CAMSAP1: variants seen among roughly 807,000 people sequenced by gnomAD.
CAMSAP1 encodes the protein calmodulin regulated spectrin associated protein 1, also known as calmodulin-regulated spectrin-associated protein 1.
CAMSAP1 carries 58 observed loss-of-function variants against 143.5 expected under a neutral mutation model. The observed-to-expected ratio is 0.40, with a 90% CI of 0.33 to 0.50. CAMSAP1 has a LOEUF of 0.50. Among genes scored for constraint, CAMSAP1 ranks in the 20% least tolerant of loss-of-function variants. The probability of loss-of-function intolerance (pLI) is 0.45; values close to 1 mark genes in which losing one functional copy is unlikely to be tolerated. For synonymous variants in CAMSAP1, 945 were observed against 859.3 expected (o/e 1.10, Z -1.74); for missense variants, 1,969 against 2,115.7 (o/e 0.93, Z 1.36).
At chr9:135,871,638 T>G (rs922866150) in intron 3 of CAMSAP1, among the ~76,000 whole-genome samples, 1 of 152,266 alleles carries the variant, frequency 6.6e-6, no homozygotes, top group Non-Finnish European at 1.5e-5. Context: ...AAATTTTCTT[T>G]ACAAGTTCAG....
chr9:135,839,301 C>T (rs373745663), intron 7 of CAMSAP1, among the ~76,000 whole-genome samples: 9 of 152,214 alleles, frequency 5.9e-5, no homozygotes, highest in African/African-American at 2.2e-4. Context: ...AGCTATGAGT[C>T]TGTTTGTGTC....
At chr9:135,896,391 A>G (rs1387770445) in intron 1 of CAMSAP1, among the ~76,000 whole-genome samples, 1 of 152,252 alleles carries the variant, frequency 6.6e-6, no homozygotes, top group Non-Finnish European at 1.5e-5. Flanking sequence ...AGTACATGAA[A>G]AAAGTTGACA....
rs1416395656 is a variant in CAMSAP1 at position 135,810,822 on chromosome 9, C to A, written c.*487G>T. On this transcript the variant is annotated 3_prime_UTR_variant, in exon 17 of 17. Coordinates refer to ENST00000389532, the MANE Select transcript of CAMSAP1 (RefSeq NM_015447.4). ...TATGAATTCCTTTGCTATAGACATT[C>A]AAACACCCCAAGCCAAGATTGAGCC... The A allele has an allele frequency of 6.3e-6, 1 of 158,944 alleles. No homozygotes were observed. The highest frequency in any genetic ancestry group is 1.8e-4 in the East Asian group (1 of 5,536). 9.8% of individuals were successfully genotyped at this position (158,944 alleles called of 1,614,324 possible).
chr9:135,847,044 G>T (rs1170416440), intron 7 of CAMSAP1, among the ~76,000 whole-genome samples: 1 of 152,064 alleles, frequency 6.6e-6, no homozygotes, highest in East Asian at 1.9e-4. Flanking sequence ...ATACCCAAAG[G>T]ATTATAAATC....
At chr9:135,847,665 C>G (rs907572674) in intron 7 of CAMSAP1, among the ~76,000 whole-genome samples, 7 of 148,568 alleles carry the variant, frequency 4.7e-5, no homozygotes, top group Admixed American at 2.0e-4. Context: ...TGAGAACACA[C>G]GGACACAGGG....
rs151250822 is a variant in CAMSAP1 at position 135,867,176 on chromosome 9, G to A, written c.586-640C>T. Reference sequence around the variant, plus strand: ...AAAAAGACACAGAGCTGAATGCTTCGTCATCAAACAACACAGACAAAGGAG... The same window carrying A: ...AAAAAGACACAGAGCTGAATGCTTCATCATCAAACAACACAGACAAAGGAG... On this transcript the variant is annotated intron_variant, in intron 3 of 16. Coordinates refer to ENST00000389532, the MANE Select transcript of CAMSAP1 (RefSeq NM_015447.4). Among the ~76,000 whole-genome samples the A allele has an allele frequency of 5.1e-3, 770 of 152,190 alleles. 5 individuals are homozygous for A. The highest frequency in any genetic ancestry group is 0.02 in the Admixed American group (306 of 15,284).
At chr9:135,843,475 A>C (rs1436298961) in intron 7 of CAMSAP1, among the ~76,000 whole-genome samples, 1 of 152,176 alleles carries the variant, frequency 6.6e-6, no homozygotes, top group Non-Finnish European at 1.5e-5. Context: ...AGCAAAAAAG[A>C]AGCAGGGGGT....
At chr9:135,817,945 C>T (rs1274293846) in intron 14 of CAMSAP1, 32 bp downstream of exon 14, 2 of 1,597,452 alleles carry the variant, frequency 1.3e-6, no homozygotes, top group Non-Finnish European at 1.7e-6. Flanking sequence ...CGTCCTCCAG[C>T]CCCGTGCCGG....
intron 8 of CAMSAP1, among the ~76,000 whole-genome samples, 179 bp downstream of exon 8, chr9:135,827,228 A>C (rs1835705172): frequency 6.6e-6 from 1 of 152,252 alleles, no homozygotes; most frequent in Non-Finnish European, 1.5e-5. Context: ...TGCTAGTATC[A>C]TTCCCGGCCT....
At chr9:135,848,552 CACAT>C (rs1238752531) in intron 7 of CAMSAP1, among the ~76,000 whole-genome samples, 1 of 152,152 alleles carries the variant, frequency 6.6e-6, no homozygotes, top group Non-Finnish European at 1.5e-5. Context: ...CGCATGCACA[CACAT>C]ACACACCCCC....
chr9:135,820,985 G>C lies in CAMSAP1; in HGVS notation c.3676C>G (p.Pro1226Ala). The change falls in exon 11 of 17, where the codon CCT (proline) becomes GCT (alanine). Residue 1226 changes from proline to alanine, a missense_variant. Pro to Ala is a conservative substitution (Grantham distance 27). Transcript: ENST00000389532. The surrounding 1 kb of genome is among the most constrained non-coding windows in gnomAD (Gnocchi z 4.4). Reference sequence around the variant, plus strand: ...ATGAGGCTGGCCCTGCTCCTCAGAGGCTCCTCCACGGGGACGCTCTCTTTT... The same window carrying C: ...ATGAGGCTGGCCCTGCTCCTCAGAGCCTCCTCCACGGGGACGCTCTCTTTT... ...SGKESVPVEE[P>A]LRSRASLIEV... is the part of the protein sequence containing the mutation. 6.2e-7 allele frequency: 1 copy of C among 1,612,850 alleles called. No homozygotes were observed. Among genetic ancestry groups the C allele is most frequent in the South Asian group, 1.1e-5 (1 of 91,026 alleles).
Position 135,903,847 on chromosome 9 carries a change from G to A in CAMSAP1, c.160+3153C>T, listed in dbSNP as rs193021051. 2.3e-3 allele frequency among the ~76,000 whole-genome samples: 349 copies of A among 152,146 alleles called. 1 individual carries two copies. The highest frequency in any genetic ancestry group is 0.015 in the South Asian group (74 of 4,824). ...CAAAAGAAGAAACAAAGCAAATGCTGCTGGATTAGAAGAAGTGTTGGGGGG... is the reference window on the plus strand; with the variant it reads ...CAAAAGAAGAAACAAAGCAAATGCTACTGGATTAGAAGAAGTGTTGGGGGG... On this transcript the variant is annotated intron_variant, in intron 1 of 16. Transcript: ENST00000389532.
Position 135,833,177 on chromosome 9 carries a change from A to G in CAMSAP1, c.1046-5593T>C, listed in dbSNP as rs1312707066. 2.8e-5 allele frequency among the ~76,000 whole-genome samples: 4 copies of G among 144,992 alleles called. No homozygotes were observed. In the East Asian group the frequency reaches 6.1e-4, roughly 22 times the overall value. On this transcript the variant is annotated intron_variant, in intron 7 of 16. Transcript: ENST00000389532. ...GCTCACTGCAAGCTCCGCCTCCCGG[A>G]TTCACGCCATTCTCTTGCCTCAGCC...
chr9:135,820,637 T>A lies in CAMSAP1; in HGVS notation c.3822+202A>T, dbSNP rs552015441. Among the ~76,000 whole-genome samples the A allele has an allele frequency of 9.0e-4, 137 of 152,180 alleles. No homozygotes were observed. Among genetic ancestry groups the A allele is most frequent in the African/African-American group, 3.2e-3 (131 of 41,524 alleles). ...CTCAGCCACACCACGCTCACTTGCA[T>A]GCGTATTGCCCGGGACTGCTTCTGG... On this transcript the variant is annotated intron_variant, in intron 11 of 16. Transcript: ENST00000389532. The surrounding 1 kb of genome is among the most constrained non-coding windows in gnomAD (Gnocchi z 4.4).
At chr9:135,870,031 C>CG (rs1837517857) in intron 3 of CAMSAP1, among the ~76,000 whole-genome samples, 1 of 152,130 alleles carries the variant, frequency 6.6e-6, no homozygotes. Flanking sequence ...GAGAGAATGA[C>CG]GTCTGGCTGC....
At chr9:135,848,982 A>G (rs1836674953) in intron 7 of CAMSAP1, among the ~76,000 whole-genome samples, 1 of 152,228 alleles carries the variant, frequency 6.6e-6, no homozygotes. Context: ...ACTCTCAGAC[A>G]CTGCCCCACA....
Position 135,862,613 on chromosome 9 carries a change from A to G in CAMSAP1, c.667-5T>C. Reference sequence around the variant, plus strand: ...GTGCTCTCGTCGATAGCGGACCTGTAGTTGATAAAAGGAAAACGGTCTCTG... The same window carrying G: ...GTGCTCTCGTCGATAGCGGACCTGTGGTTGATAAAAGGAAAACGGTCTCTG... On this transcript the variant is annotated splice_polypyrimidine_tract_variant and splice_region_variant and intron_variant, in intron 4 of 16. Transcript: ENST00000389532. The G allele has an allele frequency of 6.4e-7, 1 of 1,551,608 alleles. No individual in the cohort carries two copies. Among genetic ancestry groups the G allele is most frequent in the Non-Finnish European group, 8.7e-7 (1 of 1,146,996 alleles).
At chr9:135,861,070 C>G (rs1837168678) in intron 5 of CAMSAP1, among the ~76,000 whole-genome samples, 2 of 152,224 alleles carry the variant, frequency 1.3e-5, no homozygotes, top group Non-Finnish European at 2.9e-5. Flanking sequence ...TCCTCCACAT[C>G]CCCAGAGCCA....
At chr9:135,834,898 GC>G (rs1191196949) in intron 7 of CAMSAP1, among the ~76,000 whole-genome samples, 3 of 152,088 alleles carry the variant, frequency 2.0e-5, no homozygotes, top group Non-Finnish European at 4.4e-5. Context: ...AATAGGACCT[GC>G]CCCCATCTTC....
Sources: allele counts gnomAD v4.1 joint callset (sites outside exome capture counted in the v4.1 genomes callset), GRCh38; gene constraint gnomAD v4.1.1; non-coding constraint Gnocchi (gnomAD v3.1); transcripts MANE v1.5; gene names NCBI Gene and HGNC (gene_info 2026-07-23, HGNC 2026-07-21).